The following ORC3 variants were observed in gnomAD, a reference collection of about 807,000 sequenced individuals.
ORC3 encodes the protein homolog of latheo, Drosophila.
Under a neutral mutation model 100.7 loss-of-function variants are expected in ORC3, and 78 were observed. The observed-to-expected ratio is 0.77, with a 90% CI of 0.65 to 0.94. The LOEUF (loss-of-function observed/expected upper bound fraction) is 0.94, where lower values mean the gene tolerates loss of function less well. Among genes scored for constraint, ORC3 ranks in the 40% least tolerant of loss-of-function variants. ORC3 has a pLI of 0.00. For synonymous variants in ORC3, 295 were observed against 289.3 expected (o/e 1.02, Z -0.20); for missense variants, 789 against 823.9 (o/e 0.96, Z 0.52).
chr6:87,598,874 G>A (rs1190918913), intron 2 of ORC3, among the ~76,000 whole-genome samples: 1 of 152,136 alleles, frequency 6.6e-6, no homozygotes, highest in Non-Finnish European at 1.5e-5. Flanking sequence ...TCTGTCCCCT[G>A]ACTGAAGACA....
intron 14 of ORC3, among the ~76,000 whole-genome samples, chr6:87,654,373 C>G (rs986301629): frequency 6.6e-6 from 1 of 152,212 alleles, no homozygotes; most frequent in African/African-American, 2.4e-5. Flanking sequence ...GATTTTCTTT[C>G]AGGTTATGTG....
chr6:87,621,451 A>G lies in ORC3; in HGVS notation c.1085A>G (p.Gln362Arg). The change falls in exon 10 of 20, where the codon CAA becomes CGA. Residue 362 changes from glutamine (Q) to arginine (R), a missense_variant. Around this residue, in one of 3 missense-constraint regions of ORC3, gnomAD observed 24 missense variants for 47.7 expected, o/e 0.50. Transcript: ENST00000392844. ...AGAATAAATTTTTTATCAAATAATC[A>G]ATGTGAAAACATCCGACGTCTACCA... The part of the protein sequence containing the change: ...KRRINFLSNN[Q>R]CENIRRLPSF... 1 of 1,603,502 alleles carries G rather than the reference A, an allele frequency of 6.2e-7. No individual in the cohort carries two copies. The highest frequency in any genetic ancestry group is 8.5e-7 in the Non-Finnish European group (1 of 1,175,416).
intron 13 of ORC3, among the ~76,000 whole-genome samples, chr6:87,643,080 G>T (rs1768401572): frequency 6.6e-6 from 1 of 152,104 alleles, no homozygotes; most frequent in Admixed American, 6.5e-5. Flanking sequence ...GGACAGAATT[G>T]TTAAAGCTCT....
chr6:87,639,952 G>A (rs1166601061), intron 13 of ORC3, among the ~76,000 whole-genome samples: 3 of 151,866 alleles, frequency 2.0e-5, no homozygotes, highest in South Asian at 4.2e-4. Context: ...AGCTGAGATC[G>A]CACCACTTCA....
At chr6:87,603,574 G>C (rs183760520) in intron 4 of ORC3, 46 bp downstream of exon 4, 1 of 1,318,862 alleles carries the variant, frequency 7.6e-7, no homozygotes, top group Non-Finnish European at 1.0e-6. Flanking sequence ...TGTGTATTTC[G>C]TTTTTAAATT....
intron 3 of ORC3, 27 bp from the exon 4 acceptor site, chr6:87,603,356 AT>A: frequency 8.0e-7 from 1 of 1,249,884 alleles, no homozygotes; most frequent in Non-Finnish European, 1.1e-6. Flanking sequence ...ATTTCTAATA[AT>A]AATAAGTTTT....
intron 5 of ORC3, 133 bp from the exon 6 acceptor site, chr6:87,607,540 G>A (rs1778430655): frequency 3.3e-6 from 2 of 615,260 alleles, no homozygotes; most frequent in Non-Finnish European, 5.6e-6. Flanking sequence ...TACATTAGCT[G>A]TATTGATGGT....
chr6:87,651,386 C>T (rs1251399019), intron 13 of ORC3: 1 of 437,956 alleles, frequency 2.3e-6, no homozygotes, highest in African/African-American at 2.0e-5. Context: ...TTTGAATAGG[C>T]CTAAAGGTCA....
rs1778302937 is a variant in ORC3, at chr6:87,605,941, T to C, written c.347T>C (p.Leu116Ser). ...GGTGTGAATGTCACAGATCATGATT[T>C]GACATTCGGAAGTCTAACAGAGGCC... ...VLGVNVTDHD[L>S]TFGSLTEALQ... The change falls in exon 5 of 20, where the codon TTG becomes TCG. Residue 116 changes from leucine to serine, a missense_variant. This residue lies in a region of ORC3 where 399 missense variants were observed against 382.0 expected (regional missense o/e 1.04). Coordinates refer to ENST00000392844, the MANE Select transcript of ORC3 (RefSeq NM_012381.4). The C allele has an allele frequency of 6.2e-7, 1 of 1,602,006 alleles. No individual in the cohort carries two copies. The highest frequency in any genetic ancestry group is 1.3e-5 in the African/African-American group (1 of 74,798).
chr6:87,668,754 G>T (rs376705760), downstream of ORC3, among the ~76,000 whole-genome samples: 1 of 151,816 alleles, frequency 6.6e-6, no homozygotes. Flanking sequence ...AAGCTGAGGC[G>T]GGTGGATCAC....
intron 19 of ORC3, among the ~76,000 whole-genome samples, chr6:87,666,671 T>C (rs1409026913): frequency 6.6e-6 from 1 of 151,806 alleles, no homozygotes; most frequent in Admixed American, 6.6e-5. Flanking sequence ...ACTCCTGACC[T>C]TAGGTGATCT....
chr6:87,596,429 G>A (rs947275080), intron 2 of ORC3, among the ~76,000 whole-genome samples: 1 of 148,124 alleles, frequency 6.8e-6, no homozygotes, highest in African/African-American at 2.5e-5. Flanking sequence ...CACTGTGCTC[G>A]GCTGTTTGTT....
chr6:87,609,965 T>A, intron 7 of ORC3, among the ~76,000 whole-genome samples: 1 of 152,318 alleles, frequency 6.6e-6, no homozygotes. Context: ...TATTTTGCAT[T>A]TATATAATAC....
chr6:87,601,542 T>C (rs9444524), intron 2 of ORC3, among the ~76,000 whole-genome samples: 92,163 of 151,498 alleles, frequency 0.61, 28,834 homozygotes, highest in African/African-American at 0.75. Context: ...TGGTGGCACG[T>C]GCCTGTAGTC....
intron 2 of ORC3, among the ~76,000 whole-genome samples, chr6:87,597,549 T>TA: frequency 6.6e-6 from 1 of 152,260 alleles, no homozygotes; most frequent in Middle Eastern, 3.4e-3. Context: ...AAAATTATGA[T>TA]ATGGAATTAA....
intron 16 of ORC3, among the ~76,000 whole-genome samples, chr6:87,659,157 G>A (rs968857217): frequency 6.1e-5 from 9 of 148,058 alleles, no homozygotes; most frequent in African/African-American, 1.3e-4. Context: ...TCCGCCTCCC[G>A]GGTTCAAGGG....
chr6:87,621,616 TC>T (rs34542681), intron 10 of ORC3, 129 bp downstream of exon 10: 390,169 of 705,094 alleles, frequency 0.55, 110,499 homozygotes, highest in African/African-American at 0.72. Flanking sequence ...TTGTGGGATT[TC>T]CCTTGTTGGA....
At chr6:87,637,248 C>T (rs776268638) in intron 13 of ORC3, among the ~76,000 whole-genome samples, 2 of 152,080 alleles carry the variant, frequency 1.3e-5, no homozygotes, top group Non-Finnish European at 2.9e-5. Flanking sequence ...CCTCTGGGCC[C>T]ACAAGAAAAG....
At position 87,639,382 on chromosome 6, in the gene ORC3, T is replaced by C. The variant is rs573629209; in HGVS notation, c.1382+2896T>C. Among the ~76,000 whole-genome samples the C allele has an allele frequency of 1.2e-4, 18 of 152,296 alleles. 1 individual carries two copies. In the South Asian group the frequency reaches 3.3e-3, roughly 28 times the overall value. On this transcript the variant is annotated intron_variant, in intron 13 of 19. Transcript: ENST00000392844. ...GCCTCCGCTGCTCTTACCCCCACCATAGTGGCCTTTGGCGATGCCTCCTAC... is the reference window on the plus strand; with the variant it reads ...GCCTCCGCTGCTCTTACCCCCACCACAGTGGCCTTTGGCGATGCCTCCTAC...
Sources: allele counts gnomAD v4.1 joint callset (sites outside exome capture counted in the v4.1 genomes callset), GRCh38; gene constraint gnomAD v4.1.1; regional missense constraint gnomAD v4.1.1; transcripts MANE v1.5; gene names NCBI Gene and HGNC (gene_info 2026-07-23, HGNC 2026-07-21).